Variants in DIXDC1 observed in about 807,000 individuals in gnomAD.
The protein encoded by DIXDC1 is dixin.
Under a neutral mutation model 103.1 loss-of-function variants are expected in DIXDC1, and 64 were observed. That is an observed-to-expected ratio of 0.62 (90% CI 0.51 to 0.76). DIXDC1 has a LOEUF of 0.76. Ranked by LOEUF, DIXDC1 falls within the 30% of genes least tolerant of loss-of-function variation. The probability of loss-of-function intolerance (pLI) is 0.00; values close to 1 mark genes in which losing one functional copy is unlikely to be tolerated. For missense variants in DIXDC1, 759 were observed against 834.2 expected, an observed-to-expected ratio of 0.91 and a Z score of 1.11; for synonymous variants, 266 against 298.5, an observed-to-expected ratio of 0.89 and a Z score of 1.12.
At chr11:111,964,778 A>C in intron 2 of DIXDC1, 100 bp downstream of exon 2, 2 of 1,392,138 alleles carry the variant, frequency 1.4e-6, no homozygotes, top group Non-Finnish European at 1.9e-6. Context: ...TTTCTTTAGA[A>C]TATATGGCAG....
intron 1 of DIXDC1, among the ~76,000 whole-genome samples, chr11:111,945,460 G>C (rs183109913): frequency 6.6e-6 from 1 of 152,176 alleles, no homozygotes; most frequent in Non-Finnish European, 1.5e-5. Flanking sequence ...GCACAGAGGA[G>C]GGTTCTTAAA....
In DIXDC1 at chr11:111,998,523, GC is replaced by G. The variant is rs1189691183; in HGVS notation, c.1756+2378del. On this transcript the variant is annotated intron_variant, in intron 17 of 19. Coordinates refer to ENST00000440460, the MANE Select transcript of DIXDC1 (RefSeq NM_001037954.4). This position sits in a 1 kb window ranked among gnomAD's most constrained non-coding sequence, Gnocchi z 4.1. ...ATCTCAAATCTCAGTTATTTTCTGA[GC>G]TTCAGTACTATTTTTTATTTTTATT... 3.3e-5 allele frequency among the ~76,000 whole-genome samples: 5 copies of G among 152,086 alleles called. No homozygotes were observed. The highest frequency in any genetic ancestry group is 1.2e-4 in the African/African-American group (5 of 41,412).
At chr11:111,991,771 T>G (rs1566543675) in intron 10 of DIXDC1, among the ~76,000 whole-genome samples, 2 of 152,162 alleles carry the variant, frequency 1.3e-5, no homozygotes, top group Non-Finnish European at 2.9e-5. Flanking sequence ...TTATGCTCAG[T>G]GGAAATATAA....
intron 17 of DIXDC1, among the ~76,000 whole-genome samples, chr11:111,997,863 A>G (rs1860952154): frequency 6.6e-6 from 1 of 152,216 alleles, no homozygotes; most frequent in South Asian, 2.1e-4. Flanking sequence ...AAGCTGAAAT[A>G]TCTCTTATCT....
At position 111,977,658 on chromosome 11, in the gene DIXDC1, G is replaced by A. The variant is rs372557602; in HGVS notation, c.656+2675G>A. The A allele has an allele frequency of 3.0e-5, 46 of 1,547,010 alleles. No individual in the cohort carries two copies. The African/African-American group carries it at 5.2e-4, about 18-fold the overall frequency. ...TGCTAGCTGGCCTTCCCGTGGAGGC[G>A]TTTTCCAGCCCCAGCGCGGGGAGAC... On this transcript the variant is annotated intron_variant, in intron 5 of 19. Coordinates refer to ENST00000440460, the MANE Select transcript of DIXDC1 (RefSeq NM_001037954.4). The surrounding 1 kb of genome is among the most constrained non-coding windows in gnomAD (Gnocchi z 6.1).
At position 111,937,374 on chromosome 11, in the gene DIXDC1, G is replaced by A; in HGVS notation, c.-126G>A. ...GCTCCAGTCTAGGTTTCCAGTAAGT[G>A]GCATGCGGGACTCCGGAGGGATCCC... On this transcript the variant is annotated 5_prime_UTR_variant, in exon 1 of 20. Transcript: ENST00000440460. 6.9e-7 allele frequency: 1 copy of A among 1,454,906 alleles called. No individual in the cohort carries two copies. The highest frequency in any genetic ancestry group is 9.1e-7 in the Non-Finnish European group (1 of 1,103,604). The allele number at this position is 1,454,906 out of a possible 1,614,324, so 90.1% of individuals were successfully genotyped here.
chr11:111,972,807 G>A (rs1592581520), intron 3 of DIXDC1, among the ~76,000 whole-genome samples: 2 of 152,168 alleles, frequency 1.3e-5, no homozygotes, highest in Non-Finnish European at 2.9e-5. Context: ...AGCACTTTGG[G>A]AGGCTAGGCC....
In DIXDC1 at chr11:111,976,291, C is replaced by T. The variant is rs1402126554; in HGVS notation, c.656+1308C>T. Among the ~76,000 whole-genome samples, 2 of 152,138 alleles carry T rather than the reference C, an allele frequency of 1.3e-5. No homozygotes were observed. The highest frequency in any genetic ancestry group is 4.8e-5 in the African/African-American group (2 of 41,436). On this transcript the variant is annotated intron_variant, in intron 5 of 19. Coordinates refer to ENST00000440460, the MANE Select transcript of DIXDC1 (RefSeq NM_001037954.4). The surrounding 1 kb of genome is among the most constrained non-coding windows in gnomAD (Gnocchi z 4.3). ...GGAAGAGTGGATTTCTTCCTGAGGG[C>T]ACCTGCTTTCTCCTCCAAGGCAGGA...
chr11:111,977,160 CTCCA>C lies in DIXDC1; in HGVS notation c.656+2178_656+2181del. The C allele has an allele frequency of 1.4e-6, 1 of 711,592 alleles. No individual in the cohort carries two copies. Among genetic ancestry groups the C allele is most frequent in the Non-Finnish European group, 1.7e-6 (1 of 579,406 alleles). The allele number at this position is 711,592 out of a possible 1,614,324, so 44.1% of individuals were successfully genotyped here. ...CCCTCGTCGACGTCCCCACCCCCAC[CTCCA>C]CCCCGCCCAGCCCCGCCCCTGGCCC... On this transcript the variant is annotated intron_variant, in intron 5 of 19. Transcript: ENST00000440460. This position sits in a 1 kb window ranked among gnomAD's most constrained non-coding sequence, Gnocchi z 6.1.
At chr11:112,012,431 C>T (rs1555177291) in intron 17 of DIXDC1, among the ~76,000 whole-genome samples, 3 of 152,142 alleles carry the variant, frequency 2.0e-5, no homozygotes, top group Non-Finnish European at 4.4e-5. Flanking sequence ...TGATTTTCTA[C>T]AATAGTGCAA....
rs587757212 is a variant in DIXDC1 at position 111,929,083 on chromosome 11, G to A, written c.-36-735G>A. ...AGTTCCAGCTACTCGGGAGGCTGAG[G>A]CAGGAGAATCGCTTGAACCTGGGAG... On this transcript the variant is annotated intron_variant, in intron 1 of 5. Transcript: ENST00000529225. Among the ~76,000 whole-genome samples the A allele has an allele frequency of 8.4e-4, 128 of 152,258 alleles. 1 individual carries two copies. The highest frequency in any genetic ancestry group is 2.8e-3 in the African/African-American group (115 of 41,554).
intron 1 of DIXDC1, among the ~76,000 whole-genome samples, chr11:111,962,668 A>G (rs1411611212): frequency 6.6e-6 from 1 of 152,144 alleles, no homozygotes; most frequent in Admixed American, 6.5e-5. Context: ...TTTATCTTTG[A>G]GGATAATTGG....
chr11:112,013,321 T>TGGAGG (rs1555177392), intron 17 of DIXDC1, among the ~76,000 whole-genome samples: 1 of 35,710 alleles, frequency 2.8e-5, no homozygotes, highest in African/African-American at 9.8e-5. Context: ...GGTCGGGGGG[T>TGGAGG]GGGGGTGGGG....
At position 111,974,025 on chromosome 11, in the gene DIXDC1, A is replaced by G. The variant is rs1555172329; in HGVS notation, c.319A>G (p.Ile107Val). 6.2e-7 allele frequency: 1 copy of G among 1,613,624 alleles called. No homozygotes were observed. The highest frequency in any genetic ancestry group is 1.1e-5 in the South Asian group (1 of 91,060). The stretch of plus-strand genomic sequence containing the variant: ...TCTTGGTCCGTTTTATCCTTCAGAT[A>G]TTGTGGATGGAAACCTGAAGTCTAT... ...IRMHQTSAKD[I>V]VDGNLKSIMR... The change falls in exon 4 of 20, where the codon ATT becomes GTT. Residue 107 changes from isoleucine to valine, a missense_variant and splice_region_variant. Physicochemically the swap from Ile to Val is conservative, Grantham distance 29 (BLOSUM62 3). Around this residue, in one of 3 missense-constraint regions of DIXDC1, gnomAD observed 657 missense variants for 727.5 expected, o/e 0.90. Transcript: ENST00000440460.
intron 6 of DIXDC1, 85 bp downstream of exon 6, chr11:111,980,934 G>A: frequency 9.0e-7 from 1 of 1,107,832 alleles, no homozygotes; most frequent in Non-Finnish European, 1.3e-6. Context: ...TAAGCTCCCT[G>A]GCCTTCCCCA....
rs1432779648 is a variant in DIXDC1 at position 112,019,308 on chromosome 11, G to A, written c.*272G>A. On this transcript the variant is annotated 3_prime_UTR_variant, in exon 20 of 20. Transcript: ENST00000440460. ...TATTCTACTCTGAGGACAACAAACC[G>A]AAGGCCTTAAACGATGGGGATGGAT... is the stretch of plus-strand genomic sequence containing the variant. The A allele has an allele frequency of 4.0e-6, 1 of 251,594 alleles. No individual in the cohort carries two copies. The highest frequency in any genetic ancestry group is 5.0e-5 in the Admixed American group (1 of 20,074). The allele number at this position is 251,594 out of a possible 1,614,324, so 15.6% of individuals were successfully genotyped here.
chr11:112,009,836 A>G (rs892377204), intron 17 of DIXDC1, among the ~76,000 whole-genome samples: 2 of 152,188 alleles, frequency 1.3e-5, no homozygotes, highest in Non-Finnish European at 1.5e-5. Context: ...ATTTACAACA[A>G]ACCCACAGCC....
In DIXDC1 at chr11:112,016,699, C is replaced by G; in HGVS notation, c.1765C>G (p.His589Asp). 6.3e-7 allele frequency: 1 copy of G among 1,599,430 alleles called. No individual in the cohort carries two copies. Among genetic ancestry groups the G allele is most frequent in the Non-Finnish European group, 8.5e-7 (1 of 1,173,366 alleles). ...TCTCTTTCTGATTGTAGAGTTGCCT[C>G]ACTCACAGAGCTCTCCAACTGTCAG... ...ESWPPNSKLP[H>D]SQSSPTVSST... The change falls in exon 18 of 20, where the codon CAC (histidine) becomes GAC (aspartate). Residue 589 changes from histidine (H) to aspartate (D), a missense_variant. Around this residue, in one of 3 missense-constraint regions of DIXDC1, gnomAD observed 657 missense variants for 727.5 expected, o/e 0.90. Transcript: ENST00000440460.
chr11:112,014,594 C>T (rs1555177531), intron 17 of DIXDC1, among the ~76,000 whole-genome samples: 1 of 152,202 alleles, frequency 6.6e-6, no homozygotes, highest in Non-Finnish European at 1.5e-5. Flanking sequence ...TCTTCCAATA[C>T]AGCTTGTAGA....
Sources: allele counts gnomAD v4.1 joint callset (sites outside exome capture counted in the v4.1 genomes callset), GRCh38; gene constraint gnomAD v4.1.1; regional missense constraint gnomAD v4.1.1; non-coding constraint Gnocchi (gnomAD v3.1); transcripts MANE v1.5; gene names NCBI Gene and HGNC (gene_info 2026-07-23, HGNC 2026-07-21).